ZCCHC4: variants seen among roughly 807,000 people sequenced by gnomAD.
ZCCHC4 encodes rRNA N(6)-adenosine-methyltransferase ZCCHC4.
Under a neutral mutation model 67.7 loss-of-function variants are expected in ZCCHC4, and 54 were observed. The observed-to-expected ratio is 0.80, with a 90% CI of 0.64 to 1.00. The LOEUF is 1.00. ZCCHC4 is among the 50% of genes least tolerant of loss of function. The probability of loss-of-function intolerance (pLI) is 0.00; values close to 1 mark genes in which losing one functional copy is unlikely to be tolerated. For synonymous variants in ZCCHC4, 198 were observed against 213.5 expected (o/e 0.93, Z 0.63); for missense variants, 609 against 617.0 (o/e 0.99, Z 0.14).
intron 3 of ZCCHC4, among the ~76,000 whole-genome samples, chr4:25,321,240 C>A (rs913061896): frequency 6.6e-6 from 1 of 150,768 alleles, no homozygotes; most frequent in African/African-American, 2.4e-5. Context: ...TTCTTTCTTT[C>A]TCTTCTTTCC....
chr4:25,323,406 T>C (rs575118731), intron 3 of ZCCHC4, among the ~76,000 whole-genome samples: 50 of 108,632 alleles, frequency 4.6e-4, no homozygotes, highest in Non-Finnish European at 9.6e-4. Flanking sequence ...TGTTCTGTTG[T>C]GTTTTTTTTT....
rs908488495 is a variant in ZCCHC4 at position 25,332,179 on chromosome 4, G to A, written c.330-1004G>A. 2.6e-5 allele frequency among the ~76,000 whole-genome samples: 4 copies of A among 151,782 alleles called. No homozygotes were observed. In the East Asian group the frequency reaches 5.8e-4, roughly 22 times the overall value. On this transcript the variant is annotated intron_variant, in intron 3 of 12. Coordinates refer to ENST00000302874, the MANE Select transcript of ZCCHC4 (RefSeq NM_024936.3). ...AAAAATTAGCTGGATGTGGTGGTGC[G>A]TGCATGTAGTCCCAGCTACTTGGGA...
rs1050819317 is a variant in ZCCHC4, at chr4:25,362,247, G to A, written c.1155G>A (p.Arg385=). 1.9e-6 allele frequency: 3 copies of A among 1,611,070 alleles called. No individual in the cohort carries two copies. The highest frequency in any genetic ancestry group is 2.7e-5 in the African/African-American group (2 of 74,816). Residue 385 remains arginine (R), a synonymous_variant, in exon 10 of 13, where the codon CGG becomes CGA. Coordinates refer to ENST00000302874, the MANE Select transcript of ZCCHC4 (RefSeq NM_024936.3). The part of the protein sequence containing the change: ...EGYRFCSPCQ[R]YVSLENQHCE... ...CTAGATTTTGCTCTCCGTGTCAACG[G>A]TATGTTTCTCTAGAGAATCAACACT...
intron 11 of ZCCHC4, among the ~76,000 whole-genome samples, 172 bp from the exon 12 acceptor site, chr4:25,364,850 A>G (rs937245286): frequency 3.9e-5 from 6 of 152,242 alleles, no homozygotes; most frequent in Non-Finnish European, 7.3e-5. Context: ...TAGCTAGTTT[A>G]TGTGGAATTC....
chr4:25,352,031 C>G (rs1161500790), intron 8 of ZCCHC4: 4 of 1,008,802 alleles, frequency 4.0e-6, no homozygotes, highest in Admixed American at 5.8e-5. Context: ...GCAGCCCCCC[C>G]ACCCCTGGTT....
chr4:25,339,655 C>A (rs1719630205), intron 5 of ZCCHC4, among the ~76,000 whole-genome samples: 1 of 152,076 alleles, frequency 6.6e-6, no homozygotes, highest in African/African-American at 2.4e-5. Flanking sequence ...GGATACTAGA[C>A]CCTTATCAGA....
rs780676513 is a variant in ZCCHC4, at chr4:25,333,371, A to G, written c.518A>G (p.Tyr173Cys). ...PLENKKTNAQ[Y>C]LFADRSCQFL... is the part of the protein sequence containing the mutation. ...GAAAACAAGAAGACAAATGCCCAGT[A>G]TCTGTTTGCTGATCGGAGCTGTCAG... The change falls in exon 4 of 13, where the codon TAT (tyrosine) becomes TGT (cysteine). Residue 173 changes from tyrosine (Y) to cysteine (C), a missense_variant. Coordinates refer to ENST00000302874, the MANE Select transcript of ZCCHC4 (RefSeq NM_024936.3). The G allele has an allele frequency of 4.3e-6, 7 of 1,614,014 alleles. No individual in the cohort carries two copies. The highest frequency in any genetic ancestry group is 2.7e-5 in the African/African-American group (2 of 74,926).
At chr4:25,355,099 C>T (rs1720468095) in intron 8 of ZCCHC4, among the ~76,000 whole-genome samples, 1 of 151,964 alleles carries the variant, frequency 6.6e-6, no homozygotes, top group South Asian at 2.1e-4. Flanking sequence ...TTGATGAATA[C>T]AGAATAAAAC....
Position 25,358,306 on chromosome 4 carries a change from A to C in ZCCHC4, c.1012-3553A>C, listed in dbSNP as rs76510813. On this transcript the variant is annotated intron_variant, in intron 8 of 12. Coordinates refer to ENST00000302874, the MANE Select transcript of ZCCHC4 (RefSeq NM_024936.3). ...ACAAACATTATCTCATTTAACCTTC[A>C]CAGCAACTTTAAGTACCGGTACCCT... is the stretch of plus-strand genomic sequence containing the variant. 3.6e-3 allele frequency among the ~76,000 whole-genome samples: 541 copies of C among 152,306 alleles called. 1 individual carries two copies. The highest frequency in any genetic ancestry group is 0.012 in the African/African-American group (498 of 41,564).
chr4:25,330,968 C>T (rs1309099062), intron 3 of ZCCHC4, among the ~76,000 whole-genome samples: 3 of 152,276 alleles, frequency 2.0e-5, no homozygotes, highest in Middle Eastern at 3.4e-3. Context: ...TCTCAGTGTA[C>T]AGCTTTCTGC....
chr4:25,312,816 G>A lies in ZCCHC4; in HGVS notation c.7G>A (p.Ala3Thr), dbSNP rs377163841. ...TCGGGACGGCGGCGGGAAGATGGCG[G>A]CCTCCAGGAATGGGTTTGAAGCCGT... MAASRNGFEAVEA... is the reference protein window; with the variant it reads MATSRNGFEAVEA... Residue 3 changes from alanine (A) to threonine (T), a missense_variant, in exon 1 of 13, where the codon GCC becomes ACC. Physicochemically the swap from Ala to Thr is moderately conservative, Grantham distance 58 (BLOSUM62 0). Transcript: ENST00000302874. 2.5e-5 allele frequency: 41 copies of A among 1,613,096 alleles called. No individual in the cohort carries two copies. In the African/African-American group the frequency reaches 5.2e-4, roughly 20 times the overall value.
At chr4:25,347,766 T>C (rs140081614) in intron 6 of ZCCHC4, among the ~76,000 whole-genome samples, 24 of 152,362 alleles carry the variant, frequency 1.6e-4, no homozygotes, top group African/African-American at 5.8e-4. Flanking sequence ...GGATTTCTCA[T>C]TGCAAATCAT....
In ZCCHC4 at chr4:25,333,348, A is replaced by T. The variant is rs1408900275; in HGVS notation, c.495A>T (p.Glu165Asp). ...CCAGTCAACTCCTTTATCCACTGGAAAACAAGAAGACAAATGCCCAGTATC... is the reference window on the plus strand; with the variant it reads ...CCAGTCAACTCCTTTATCCACTGGATAACAAGAAGACAAATGCCCAGTATC... Reference protein sequence around the residue: ...RRPSQLLYPLENKKTNAQYLF... With the variant: ...RRPSQLLYPLDNKKTNAQYLF... Residue 165 changes from glutamate to aspartate, a missense_variant, in exon 4 of 13, where the codon GAA (glutamate) becomes GAT (aspartate). Physicochemically the swap from Glu to Asp is conservative, Grantham distance 45. Coordinates refer to ENST00000302874, the MANE Select transcript of ZCCHC4 (RefSeq NM_024936.3). 2 of 1,614,036 alleles carry T rather than the reference A, an allele frequency of 1.2e-6. No homozygotes were observed. Among genetic ancestry groups the T allele is most frequent in the Non-Finnish European group, 1.7e-6 (2 of 1,180,030 alleles).
chr4:25,328,957 G>T, intron 3 of ZCCHC4, among the ~76,000 whole-genome samples: 1 of 152,238 alleles, frequency 6.6e-6, no homozygotes, highest in South Asian at 2.1e-4. Context: ...GGAGGCCAAA[G>T]CAAGTGGGTC....
chr4:25,314,015 C>CTTTTTTTTTTTTTTTTTTTTTTTTTTTTT, intron 1 of ZCCHC4, 31 bp from the exon 2 acceptor site: 1 of 1,022,006 alleles, frequency 9.8e-7, no homozygotes, highest in Non-Finnish European at 1.4e-6. Context: ...TTACTTGACA[C>CTTTTTTTTTTTTTTTTTTTTTTTTTTTTT]TTTTTTTTTT....
chr4:25,351,925 C>G, intron 8 of ZCCHC4: 1 of 1,136,536 alleles, frequency 8.8e-7, no homozygotes, highest in Non-Finnish European at 1.1e-6. Flanking sequence ...GGACAAAGCC[C>G]CAAGAAAAAA....
intron 12 of ZCCHC4, chr4:25,366,088 A>G (rs1408630695): frequency 1.0e-6 from 1 of 972,786 alleles, no homozygotes; most frequent in Non-Finnish European, 1.2e-6. Flanking sequence ...AATATCTGAT[A>G]GTTTAATAAT....
intron 5 of ZCCHC4, 69 bp from the exon 6 acceptor site, chr4:25,345,479 T>G: frequency 1.1e-6 from 1 of 922,650 alleles, no homozygotes; most frequent in South Asian, 1.6e-5. Context: ...TTTATTGTTT[T>G]AAAATTTAGT....
chr4:25,349,796 A>G (rs1414027490), intron 7 of ZCCHC4, 154 bp downstream of exon 7: 13 of 712,242 alleles, frequency 1.8e-5, no homozygotes, highest in Non-Finnish European at 3.0e-5. Flanking sequence ...AGCAAACTTC[A>G]TTATCATGAT....
Sources: gnomAD v4.1 joint callset for allele counts (sites outside exome capture counted in the v4.1 genomes callset) on GRCh38, gnomAD v4.1.1 for gene constraint, MANE v1.5 for transcripts, NCBI Gene and HGNC (gene_info 2026-07-23, HGNC 2026-07-21) for gene names.